The following ACTA2 variants were observed in gnomAD, a reference collection of about 807,000 sequenced individuals.
ACTA2 encodes the protein actin, aortic smooth muscle.
ACTA2 carries 12 observed loss-of-function variants against 39.5 expected under a neutral mutation model. The observed-to-expected ratio is 0.30, with a 90% CI of 0.19 to 0.49. The LOEUF (loss-of-function observed/expected upper bound fraction) is 0.49. Ranked by LOEUF, ACTA2 falls within the 20% of genes least tolerant of loss-of-function variation. The pLI is 0.99. For synonymous variants in ACTA2, 158 were observed against 180.6 expected (o/e 0.88, Z 1.00); for missense variants, 236 against 498.8 (o/e 0.47, Z 5.02).
rs897604547 is a variant in ACTA2 at position 88,990,342 on chromosome 10, A to G, written c.-24+597T>C. On this transcript the variant is annotated intron_variant, in intron 1 of 4. Transcript: ENST00000415557. The surrounding 1 kb of genome is among the most constrained non-coding windows in gnomAD (Gnocchi z 4.9). ...GCAGGACCTCTGCGCTCTGAGCTCC[A>G]TTCTCCTTCAAGACCTCCCCAACTT... 1.3e-5 allele frequency among the ~76,000 whole-genome samples: 2 copies of G among 152,150 alleles called. No homozygotes were observed. Among genetic ancestry groups the G allele is most frequent in the Non-Finnish European group, 2.9e-5 (2 of 68,026 alleles).
rs886047456 is a variant in ACTA2, at chr10:88,990,540, G to A, written c.-24+399C>T. ...CTGACTTCTCCCCCTCCCTACCCGCGCGCAGGCCAAGTTGCTGAATCAATG... is the reference window on the plus strand; with the variant it reads ...CTGACTTCTCCCCCTCCCTACCCGCACGCAGGCCAAGTTGCTGAATCAATG... On this transcript the variant is annotated intron_variant, in intron 1 of 4. Coordinates refer to the ACTA2 transcript ENST00000415557. The surrounding 1 kb of genome is among the most constrained non-coding windows in gnomAD (Gnocchi z 4.9). 1 of 620,990 alleles carries A rather than the reference G, an allele frequency of 1.6e-6. No homozygotes were observed. 38.5% of individuals were successfully genotyped at this position (620,990 alleles called of 1,614,324 possible).
At chr10:88,954,468 G>A (rs557345996), upstream of ACTA2, among the ~76,000 whole-genome samples, 9 of 152,254 alleles carry the variant, frequency 5.9e-5, no homozygotes, top group African/African-American at 2.2e-4. Context: ...ATCATGTGAA[G>A]CAAAATTTCC....
At chr10:88,939,400 C>T (rs1035534571) in intron 7 of ACTA2, 107 bp downstream of exon 7, 7 of 1,439,238 alleles carry the variant, frequency 4.9e-6, no homozygotes, top group Non-Finnish European at 6.8e-6. Flanking sequence ...TTTAGAAATG[C>T]TTTTGGTCTT....
At chr10:88,988,427 T>G (rs911523838) in intron 1 of ACTA2, among the ~76,000 whole-genome samples, 32 of 9,570 alleles carry the variant, frequency 3.3e-3, no homozygotes, top group African/African-American at 0.011. Flanking sequence ...TTTTTTTTTT[T>G]TTTTGTTTTG....
At chr10:88,978,291 C>T (rs1846622172) in intron 1 of ACTA2, among the ~76,000 whole-genome samples, 1 of 145,574 alleles carries the variant, frequency 6.9e-6, no homozygotes, top group Non-Finnish European at 1.5e-5. Context: ...GGAGATATAC[C>T]TAATGCTAGA....
At chr10:88,944,845 C>T (rs1208231218) in intron 3 of ACTA2, among the ~76,000 whole-genome samples, 5 of 152,156 alleles carry the variant, frequency 3.3e-5, no homozygotes, top group African/African-American at 7.2e-5. Flanking sequence ...TTTAAAAGCA[C>T]GAAAATTCTC....
intron 2 of ACTA2, 123 bp from the exon 3 acceptor site, chr10:88,947,509 A>G: frequency 6.9e-7 from 1 of 1,439,466 alleles, no homozygotes; most frequent in Non-Finnish European, 9.6e-7. Context: ...AGCAACAATA[A>G]ACATATTGAG....
chr10:88,942,156 G>A (rs1845867699), intron 4 of ACTA2, among the ~76,000 whole-genome samples: 1 of 152,194 alleles, frequency 6.6e-6, no homozygotes, highest in Non-Finnish European at 1.5e-5. Flanking sequence ...TCTGGTCCTG[G>A]CTTTGACTAA....
upstream of ACTA2, among the ~76,000 whole-genome samples, chr10:88,957,544 T>C (rs114091944): frequency 5.4e-3 from 828 of 152,284 alleles, 7 homozygotes; most frequent in African/African-American, 0.018. Context: ...ACAACTAATA[T>C]GTGCCAACAT....
At position 88,935,196 on chromosome 10, in the gene ACTA2, A is replaced by G. The variant is rs767716156; in HGVS notation, c.*27T>C. On this transcript the variant is annotated 3_prime_UTR_variant, in exon 9 of 9. Coordinates refer to ENST00000224784, the MANE Select transcript of ACTA2 (RefSeq NM_001613.4). ...CACAGGACATTCACAGTTGTGTGCT[A>G]GAGACAGAGAGGAGCAGGAAAGTGT... 5.0e-6 allele frequency: 8 copies of G among 1,611,576 alleles called. No individual in the cohort carries two copies. The highest frequency in any genetic ancestry group is 6.8e-6 in the Non-Finnish European group (8 of 1,179,268).
intron 1 of ACTA2, among the ~76,000 whole-genome samples, chr10:88,949,380 T>C (rs1197807630): frequency 1.3e-5 from 2 of 152,226 alleles, no homozygotes; most frequent in African/African-American, 2.4e-5. Flanking sequence ...AATGCACATT[T>C]TTCTAGATAT....
At position 88,936,449 on chromosome 10, in the gene ACTA2, G is replaced by T. The variant is rs192042975; in HGVS notation, c.991-1083C>A. Among the ~76,000 whole-genome samples, 27 of 152,302 alleles carry T rather than the reference G, an allele frequency of 1.8e-4. No individual in the cohort carries two copies. In the East Asian group the frequency reaches 5.2e-3, roughly 29 times the overall value. ...AGGTGGGGCCTGGTAGGAGGTGTTTGGATCACGTGGGTGGATCTCTCATGA... is the reference window on the plus strand; with the variant it reads ...AGGTGGGGCCTGGTAGGAGGTGTTTTGATCACGTGGGTGGATCTCTCATGA... On this transcript the variant is annotated intron_variant, in intron 8 of 8. Transcript: ENST00000224784.
At chr10:88,956,623 A>G (rs1258246166), upstream of ACTA2, among the ~76,000 whole-genome samples, 3 of 152,184 alleles carry the variant, frequency 2.0e-5, no homozygotes, top group Admixed American at 6.5e-5. Flanking sequence ...CCCGCCTATT[A>G]CATACCCCCA....
intron 3 of ACTA2, among the ~76,000 whole-genome samples, chr10:88,946,303 A>G (rs1173876207): frequency 1.3e-5 from 2 of 149,442 alleles, no homozygotes; most frequent in Non-Finnish European, 3.0e-5. Context: ...TTCAGTAGAA[A>G]CAGGGTTTTG....
At chr10:88,945,263 CTT>C (rs968926230) in intron 3 of ACTA2, among the ~76,000 whole-genome samples, 11 of 152,198 alleles carry the variant, frequency 7.2e-5, no homozygotes, top group African/African-American at 2.7e-4. Flanking sequence ...ATATTGATAT[CTT>C]TTTCTCTGTG....
At chr10:88,963,421 G>GTAAGGGATTAAACAGT (rs1313133181) in intron 1 of ACTA2, among the ~76,000 whole-genome samples, 1 of 152,080 alleles carries the variant, frequency 6.6e-6, no homozygotes, top group African/African-American at 2.4e-5. Flanking sequence ...CTCGTCAGGA[G>GTAAGGGATTAAACAGT]TAAGTCTGAC....
At chr10:88,938,023 C>T (rs1845775441) in intron 8 of ACTA2, 38 bp downstream of exon 8, 2 of 1,611,824 alleles carry the variant, frequency 1.2e-6, no homozygotes, top group Non-Finnish European at 1.7e-6. Flanking sequence ...GCTGACACTG[C>T]TGGCGGCATT....
At chr10:88,941,467 T>C in intron 5 of ACTA2, 77 bp from the exon 6 acceptor site, 1 of 1,579,480 alleles carries the variant, frequency 6.3e-7, no homozygotes, top group Non-Finnish European at 8.7e-7. Context: ...GAGGGAAGCC[T>C]TGGGGGAGAG....
chr10:88,958,206 T>C (rs1247106914), intron 1 of ACTA2, among the ~76,000 whole-genome samples: 1 of 152,208 alleles, frequency 6.6e-6, no homozygotes, highest in Non-Finnish European at 1.5e-5. Context: ...ATTGATTTCG[T>C]CTTTGCATTC....
Sources: gnomAD v4.1 joint callset for allele counts (sites outside exome capture counted in the v4.1 genomes callset) on GRCh38, gnomAD v4.1.1 for gene constraint, Gnocchi (gnomAD v3.1) non-coding constraint, MANE v1.5 for transcripts, NCBI Gene and HGNC (gene_info 2026-07-23, HGNC 2026-07-21) for gene names.